Variants in SUN1 observed in about 807,000 individuals in gnomAD.
SUN1 encodes Sad1 and UNC84 domain containing 1.
SUN1 carries 61 observed loss-of-function variants against 103.2 expected under a neutral mutation model. The observed-to-expected ratio is 0.59, with a 90% CI of 0.48 to 0.73. The LOEUF is 0.73. Among genes scored for constraint, SUN1 ranks in the 30% least tolerant of loss-of-function variants. SUN1 has a pLI of 0.00. For synonymous variants in SUN1, 490 were observed against 425.7 expected, an observed-to-expected ratio of 1.15 and a Z score of -1.86; for missense variants, 1,052 against 1,034.6, an observed-to-expected ratio of 1.02 and a Z score of -0.23.
chr7:838,863 C>T lies in SUN1; in HGVS notation c.143C>T (p.Ser48Phe). The T allele has an allele frequency of 6.3e-7, 1 of 1,593,578 alleles. No homozygotes were observed. The highest frequency in any genetic ancestry group is 8.5e-7 in the Non-Finnish European group (1 of 1,169,882). The change falls in exon 2 of 19, where the codon TCT becomes TTT. Residue 48 changes from serine (S) to phenylalanine (F), a missense_variant. Coordinates refer to ENST00000401592, the MANE Select transcript of SUN1 (RefSeq NM_001130965.3). ...TEHKLDPVFD[S>F]PRMSRRSLRL... Reference sequence around the variant, plus strand: ...CACAAATTGGACCCTGTATTTGATTCTCCACGGATGTCCCGCCGTAGTTTG... The same window carrying T: ...CACAAATTGGACCCTGTATTTGATTTTCCACGGATGTCCCGCCGTAGTTTG...
chr7:829,153 A>G (rs546842082), upstream of SUN1, among the ~76,000 whole-genome samples: 2 of 152,376 alleles, frequency 1.3e-5, no homozygotes, highest in East Asian at 1.9e-4. Context: ...CATTGAAAAC[A>G]TGCTGGATCC....
rs544613266 is a variant in SUN1 at position 861,454 on chromosome 7, G to C, written c.1854G>C (p.Leu618=). The C allele has an allele frequency of 2.5e-5, 41 of 1,614,146 alleles. No homozygotes were observed. In the South Asian group the frequency reaches 4.4e-4, roughly 17 times the overall value. Residue 618 remains leucine (L), a synonymous_variant, in exon 15 of 19, where the codon CTG becomes CTC. Coordinates refer to ENST00000401592, the MANE Select transcript of SUN1 (RefSeq NM_001130965.3). ...AGACCGGGATGGTGGACTTTGCTCT[G>C]GAATCTGGTGGTGAGTAAATAGACG... ...QDKTGMVDFA[L]ESGGGSILST...
rs1161534054 is a variant in SUN1 at position 843,859 on chromosome 7, C to T, written c.658+339C>T. On this transcript the variant is annotated intron_variant, in intron 5 of 18. Transcript: ENST00000401592. ...AAAACGGCACAGATGTTCACACATA[C>T]TGAAGGAGTGGCTTTGGGACGCTGC... 5 of 1,334,312 alleles carry T rather than the reference C, an allele frequency of 3.7e-6. No homozygotes were observed. The East Asian group carries it at 9.4e-5, about 25-fold the overall frequency. The allele number at this position is 1,334,312 out of a possible 1,614,324, so 82.7% of individuals were successfully genotyped here. A position where few individuals can be genotyped will look rare whatever the true frequency, so the allele number is the denominator to read the frequency against.
rs536026654 is a variant in SUN1 at position 841,968 on chromosome 7, A to G, written c.289A>G (p.Thr97Ala). The change falls in exon 3 of 19, where the codon ACA becomes GCA. Residue 97 changes from threonine (T) to alanine (A), a missense_variant. Transcript: ENST00000401592. The stretch of plus-strand genomic sequence containing the variant: ...TAGAACAACAAAACAGCGCAGAAGC[A>G]CAAACAAATCAGCTTTTAGTATCAA... ...AARTTKQRRS[T>A]NKSAFSINHV... 1.2e-6 allele frequency: 2 copies of G among 1,614,198 alleles called. No homozygotes were observed. The highest frequency in any genetic ancestry group is 2.7e-5 in the African/African-American group (2 of 75,042).
rs1270648846 is a variant in SUN1, at chr7:858,021, G to C, written c.1524+64G>C. Reference sequence around the variant, plus strand: ...AAAGTAAAAGAAAACTTGAATTGATGACTTAGGTTTATTAGCTGTTTAATT... The same window carrying C: ...AAAGTAAAAGAAAACTTGAATTGATCACTTAGGTTTATTAGCTGTTTAATT... On this transcript the variant is annotated intron_variant, in intron 13 of 18. Coordinates refer to ENST00000401592, the MANE Select transcript of SUN1 (RefSeq NM_001130965.3). 2.0e-6 allele frequency: 3 copies of C among 1,477,626 alleles called. No individual in the cohort carries two copies. In the African/African-American group the frequency reaches 4.2e-5, roughly 21 times the overall value. 91.5% of individuals were successfully genotyped at this position (1,477,626 alleles called of 1,614,324 possible). A position where few individuals can be genotyped will look rare whatever the true frequency, so the allele number is the denominator to read the frequency against.
chr7:842,928 C>T (rs1031686695), intron 3 of SUN1: 1 of 571,180 alleles, frequency 1.8e-6, no homozygotes, highest in African/African-American at 1.9e-5. Flanking sequence ...GATAGATGGG[C>T]TTTCCTCTCC....
intron 5 of SUN1, among the ~76,000 whole-genome samples, chr7:847,423 A>G (rs28590436): frequency 0.79 from 101,101 of 127,650 alleles, 38,982 homozygotes; most frequent in Admixed American, 0.84. Context: ...ACCCCGCAGC[A>G]CCCTCTCCGG....
chr7:815,972 C>G (rs1238965091), upstream of SUN1: 1 of 207,076 alleles, frequency 4.8e-6, no homozygotes, highest in Non-Finnish European at 1.0e-5. Flanking sequence ...GGAGCCGCAG[C>G]TGCCCCTCCC....
chr7:862,517 G>A (rs373990027), intron 15 of SUN1, among the ~76,000 whole-genome samples: 1 of 152,216 alleles, frequency 6.6e-6, no homozygotes, highest in Admixed American at 6.5e-5. Context: ...ATCGGTGTGT[G>A]TTTGTTTAAA....
intron 17 of SUN1, among the ~76,000 whole-genome samples, chr7:871,578 C>G (rs1562851210): frequency 2.0e-5 from 3 of 152,302 alleles, no homozygotes; most frequent in South Asian, 2.1e-4. Context: ...TTAGTAGAGA[C>G]AGGGTTTCAC....
chr7:846,372 G>T (rs1815767523), intron 5 of SUN1, among the ~76,000 whole-genome samples: 1 of 152,156 alleles, frequency 6.6e-6, no homozygotes, highest in Non-Finnish European at 1.5e-5. Context: ...CTCCCAAAGT[G>T]CTGGGATTAC....
intron 3 of SUN1, 162 bp from the exon 4 acceptor site, chr7:843,044 C>T: frequency 1.0e-6 from 1 of 971,994 alleles, no homozygotes; most frequent in South Asian, 1.5e-5. Flanking sequence ...AAGATGGTAT[C>T]TGCATATATC....
chr7:871,640 G>A lies in SUN1; in HGVS notation c.2149-830G>A, dbSNP rs1420213258. Among the ~76,000 whole-genome samples the A allele has an allele frequency of 3.3e-5, 5 of 152,070 alleles. No individual in the cohort carries two copies. The East Asian group carries it at 5.8e-4, about 18-fold the overall frequency. ...CCTGACCTTCTGATCCACCCACCTC[G>A]GCCTCCCAAAGTGCTGGGATTACAG... On this transcript the variant is annotated intron_variant, in intron 17 of 18. Coordinates refer to ENST00000401592, the MANE Select transcript of SUN1 (RefSeq NM_001130965.3).
At chr7:841,624 A>C (rs781770144) in intron 2 of SUN1, among the ~76,000 whole-genome samples, 1 of 152,198 alleles carries the variant, frequency 6.6e-6, no homozygotes, top group African/African-American at 2.4e-5. Flanking sequence ...GGGGAGGATT[A>C]AATTTATAAA....
At chr7:872,645 C>A in intron 18 of SUN1, 83 bp downstream of exon 18, 2 of 1,121,318 alleles carry the variant, frequency 1.8e-6, no homozygotes, top group Non-Finnish European at 2.6e-6. Flanking sequence ...CATCAACAGA[C>A]TGGAAAGCAG....
At position 869,339 on chromosome 7, in the gene SUN1, C is replaced by A; in HGVS notation, c.1981-10C>A. ...CACACTCTGAGTCCTCATGTTTTTC[C>A]TTTCCCCAGCCTGACATTTACCCCG... On this transcript the variant is annotated splice_polypyrimidine_tract_variant and intron_variant, in intron 16 of 18. Coordinates refer to ENST00000401592, the MANE Select transcript of SUN1 (RefSeq NM_001130965.3). The A allele has an allele frequency of 6.2e-7, 1 of 1,611,172 alleles. No homozygotes were observed.
At position 843,686 on chromosome 7, in the gene SUN1, T is replaced by C. The variant is rs546065069; in HGVS notation, c.658+166T>C. On this transcript the variant is annotated intron_variant, in intron 5 of 18. Transcript: ENST00000401592. The stretch of plus-strand genomic sequence containing the variant: ...CAGCTTTGTCCTTCCTGTCCTCTTC[T>C]AGTTTACATTTTATGTGGTTAGTAA... 2.8e-5 allele frequency: 41 copies of C among 1,458,442 alleles called. No individual in the cohort carries two copies. The South Asian group carries it at 3.7e-4, about 13-fold the overall frequency. 90.3% of individuals were successfully genotyped at this position (1,458,442 alleles called of 1,614,324 possible).
chr7:865,804 AT>A, intron 15 of SUN1, 147 bp from the exon 16 acceptor site: 3 of 633,702 alleles, frequency 4.7e-6, no homozygotes, highest in Non-Finnish European at 8.5e-6. Context: ...AAGAGATCTA[AT>A]TGTAGTTTTT....
At chr7:847,943 T>C (rs1817867071) in intron 5 of SUN1, among the ~76,000 whole-genome samples, 1 of 150,520 alleles carries the variant, frequency 6.6e-6, no homozygotes, top group Non-Finnish European at 1.5e-5. Context: ...CGGGATCCCC[T>C]GGGGGTTACC....
Sources: gnomAD v4.1 joint callset for allele counts (sites outside exome capture counted in the v4.1 genomes callset) on GRCh38, gnomAD v4.1.1 for gene constraint, MANE v1.5 for transcripts, NCBI Gene and HGNC (gene_info 2026-07-23, HGNC 2026-07-21) for gene names.